BAZ2B: variants seen among roughly 807,000 people sequenced by gnomAD.
BAZ2B encodes the protein bromodomain adjacent to zinc finger domain protein 2B.
A neutral mutation model predicts 246.0 loss-of-function variants in BAZ2B; 91 were observed. The observed-to-expected ratio is 0.37, with a 90% confidence interval of 0.31 to 0.44. BAZ2B has a LOEUF of 0.44. Ranked by LOEUF, BAZ2B falls within the 20% of genes least tolerant of loss-of-function variation. The pLI is 1.00. For synonymous variants in BAZ2B, 855 were observed against 860.0 expected (o/e 0.99, Z 0.10); for missense variants, 2,332 against 2,533.7 (o/e 0.92, Z 1.71).
At chr2:159,671,040 T>C in the BAZ2B span, among the ~76,000 whole-genome samples, 1 of 152,240 alleles carries the variant, frequency 6.6e-6, no homozygotes, top group Admixed American at 6.5e-5. Flanking sequence ...CTCTGTCTGC[T>C]TTCATAATTT....
the BAZ2B span, among the ~76,000 whole-genome samples, chr2:159,700,234 T>C: frequency 1.1e-4 from 17 of 152,296 alleles, no homozygotes; most frequent in Non-Finnish European, 1.9e-4. Context: ...AGGGAGGAAT[T>C]AGTTCCACAA....
rs778512360 is a variant in BAZ2B, at chr2:159,349,213, T to C, written c.4931A>G (p.Asn1644Ser). The stretch of plus-strand genomic sequence containing the variant: ...AGGTACAGATGATGTAAATGGAATA[T>C]TAGAAGTAACCACACCAGTGGGCCA... ...CGWPTGVVTSNIPFTSSVPSL... is the reference protein window; with the variant it reads ...CGWPTGVVTSSIPFTSSVPSL... The change falls in exon 29 of 37, where the codon AAT becomes AGT. Residue 1644 changes from asparagine (N) to serine (S), a missense_variant. This residue lies in a region of BAZ2B where 676 missense variants were observed against 668.6 expected (regional missense o/e 1.01). Transcript: ENST00000392783. The C allele has an allele frequency of 6.2e-7, 1 of 1,614,042 alleles. No homozygotes were observed. The highest frequency in any genetic ancestry group is 8.5e-7 in the Non-Finnish European group (1 of 1,179,958).
the BAZ2B span, among the ~76,000 whole-genome samples, chr2:159,659,603 T>A: frequency 6.6e-6 from 1 of 152,198 alleles, no homozygotes; most frequent in African/African-American, 2.4e-5. Flanking sequence ...TCCTCTGACA[T>A]CAAATGTCAT....
the BAZ2B span, chr2:159,712,275 A>C: frequency 6.6e-6 from 1 of 152,122 alleles, no homozygotes; most frequent in Non-Finnish European, 1.5e-5. Context: ...TCGCCAGCCC[A>C]GCTGCCGGCA....
the BAZ2B span, among the ~76,000 whole-genome samples, chr2:159,637,947 C>G: frequency 6.6e-6 from 1 of 152,182 alleles, no homozygotes; most frequent in African/African-American, 2.4e-5. Flanking sequence ...ACTCGCCACC[C>G]TGAAGGAAAG....
At chr2:159,489,480 T>C (rs928571952) in intron 2 of BAZ2B, among the ~76,000 whole-genome samples, 1 of 152,104 alleles carries the variant, frequency 6.6e-6, no homozygotes, top group Non-Finnish European at 1.5e-5. Context: ...GGAAAAATGG[T>C]GTAGAGTTGA....
At chr2:159,501,157 T>TAAAATATATATATATATAATATATATA in intron 2 of BAZ2B, among the ~76,000 whole-genome samples, 1 of 93,486 alleles carries the variant, frequency 1.1e-5, no homozygotes, top group South Asian at 3.2e-4. Context: ...ATAATATATA[T>TAAAATATATATATATATAATATATATA]AAATATATAA....
At chr2:159,382,860 A>T (rs2062157532) in intron 24 of BAZ2B, 58 bp from the exon 25 acceptor site, 1 of 1,570,292 alleles carries the variant, frequency 6.4e-7, no homozygotes, top group South Asian at 1.2e-5. Context: ...TATACTTTTA[A>T]AAGAGCAAAA....
At chr2:159,505,964 T>TGAGC in intron 2 of BAZ2B, among the ~76,000 whole-genome samples, 1 of 152,308 alleles carries the variant, frequency 6.6e-6, no homozygotes, top group South Asian at 2.1e-4. Flanking sequence ...GGTGTCCAGA[T>TGAGC]GAGCACTCAG....
chr2:159,603,702 A>G (rs1030296587), intron 1 of BAZ2B, among the ~76,000 whole-genome samples: 1 of 152,050 alleles, frequency 6.6e-6, no homozygotes, highest in Non-Finnish European at 1.5e-5. Flanking sequence ...AAAACTATTT[A>G]AACATGTTTC....
the BAZ2B span, among the ~76,000 whole-genome samples, chr2:159,699,696 C>A: frequency 5.1e-4 from 77 of 152,302 alleles, 1 homozygote; most frequent in South Asian, 7.5e-3. Flanking sequence ...TTACTTCTTT[C>A]TACCCATCTG....
At chr2:159,486,924 A>G (rs1041435040) in intron 2 of BAZ2B, among the ~76,000 whole-genome samples, 1 of 152,096 alleles carries the variant, frequency 6.6e-6, no homozygotes, top group African/African-American at 2.4e-5. Flanking sequence ...AAATAGCAAG[A>G]TCTCATTTGT....
At chr2:159,514,005 A>AAT (rs1330615255) in intron 2 of BAZ2B, among the ~76,000 whole-genome samples, 1 of 152,114 alleles carries the variant, frequency 6.6e-6, no homozygotes, top group East Asian at 1.9e-4. Context: ...AGACTTTCCA[A>AAT]AGGTATCCAC....
the BAZ2B span, among the ~76,000 whole-genome samples, chr2:159,657,729 G>A: frequency 1.3e-5 from 2 of 152,168 alleles, no homozygotes; most frequent in Admixed American, 6.5e-5. Context: ...AATGTAAAAG[G>A]TATTGTTTCT....
chr2:159,590,164 G>C (rs1688976283), intron 1 of BAZ2B, among the ~76,000 whole-genome samples: 1 of 101,808 alleles, frequency 9.8e-6, no homozygotes, highest in South Asian at 3.5e-4. Context: ...TCCAGCCTGG[G>C]AAACAAGAGC....
chr2:159,511,497 C>T (rs1188335339), intron 2 of BAZ2B, among the ~76,000 whole-genome samples: 5 of 152,206 alleles, frequency 3.3e-5, no homozygotes, highest in Non-Finnish European at 5.9e-5. Flanking sequence ...TGAGGTGTCG[C>T]GCCCAGCCTC....
chr2:159,555,747 T>C (rs1024706079), intron 2 of BAZ2B, 76 bp downstream of exon 2: 1 of 152,210 alleles, frequency 6.6e-6, no homozygotes, highest in African/African-American at 2.4e-5. Context: ...TCAAATTATA[T>C]ATGTTTTCTA....
intron 1 of BAZ2B, among the ~76,000 whole-genome samples, chr2:159,605,218 G>A (rs1439895502): frequency 1.3e-5 from 2 of 151,680 alleles, no homozygotes; most frequent in African/African-American, 4.8e-5. Flanking sequence ...ATTTTGTGTA[G>A]AGACCAAGAT....
intron 2 of BAZ2B, among the ~76,000 whole-genome samples, chr2:159,547,288 A>G (rs567620480): frequency 6.6e-6 from 1 of 152,200 alleles, no homozygotes; most frequent in Admixed American, 6.5e-5. Context: ...ATGCATTCAC[A>G]TAAGGACAGC....
Sources: allele counts gnomAD v4.1 joint callset (sites outside exome capture counted in the v4.1 genomes callset), GRCh38; gene constraint gnomAD v4.1.1; regional missense constraint gnomAD v4.1.1; transcripts MANE v1.5; gene names NCBI Gene and HGNC (gene_info 2026-07-23, HGNC 2026-07-21).